Variants in LMF1 observed in about 807,000 individuals in gnomAD.
The protein encoded by LMF1 is transmembrane protein 112.
LMF1 carries 68 observed loss-of-function variants against 60.6 expected under a neutral mutation model. The ratio of observed to expected loss-of-function variants is 1.12; its 90% CI spans 0.92 to 1.37. The LOEUF (loss-of-function observed/expected upper bound fraction) is 1.37, where lower values mean the gene tolerates loss of function less well. Ranked by LOEUF, LMF1 falls within the 40% of genes most tolerant of loss-of-function variation. The pLI, the probability that LMF1 is intolerant of heterozygous loss-of-function variation, is 0.00. For missense variants in LMF1, 948 were observed against 767.2 expected, an observed-to-expected ratio of 1.24 and a Z score of -2.78; for synonymous variants, 418 against 324.7, an observed-to-expected ratio of 1.29 and a Z score of -3.09.
chr16:927,471 G>C (rs1160193977), intron 3 of LMF1, among the ~76,000 whole-genome samples: 1 of 152,272 alleles, frequency 6.6e-6, no homozygotes. Flanking sequence ...GAGAGGAGCT[G>C]GCTCGGCCTA....
At chr16:976,376 C>T (rs1159780051) in intron 1 of LMF1, 1 of 454,010 alleles carries the variant, frequency 2.2e-6, no homozygotes, top group African/African-American at 2.0e-5. Flanking sequence ...TCAGACAGCA[C>T]CCTCCTGTAC....
intron 6 of LMF1, among the ~76,000 whole-genome samples, chr16:875,384 C>T (rs893881948): frequency 2.3e-4 from 35 of 152,148 alleles, no homozygotes; most frequent in Admixed American, 2.1e-3. Context: ...ATCTAACCCC[C>T]TGGCCAGGTT....
chr16:971,142 C>T (rs2073044825), upstream of LMF1: 2 of 677,690 alleles, frequency 3.0e-6, no homozygotes, highest in Middle Eastern at 4.7e-4. Flanking sequence ...CCCCTCCAGC[C>T]GGCCCCGCCC....
chr16:941,399 T>C (rs970159029), intron 2 of LMF1, among the ~76,000 whole-genome samples: 2 of 152,126 alleles, frequency 1.3e-5, no homozygotes, highest in Admixed American at 6.5e-5. Flanking sequence ...TTTGTATTTT[T>C]AGTAAAGATG....
chr16:859,264 G>A (rs1235194288), intron 10 of LMF1, among the ~76,000 whole-genome samples: 3 of 121,628 alleles, frequency 2.5e-5, no homozygotes, highest in African/African-American at 1.3e-4. Context: ...GTCACGGGAC[G>A]GGTGTGAGTG....
intron 5 of LMF1, among the ~76,000 whole-genome samples, chr16:886,039 CAG>C (rs1324920719): frequency 6.6e-6 from 1 of 152,202 alleles, no homozygotes; most frequent in Non-Finnish European, 1.5e-5. Context: ...AAACCAGTAA[CAG>C]AAAGATATCT....
chr16:860,319 G>T (rs1471377890), intron 10 of LMF1, among the ~76,000 whole-genome samples: 1 of 151,374 alleles, frequency 6.6e-6, no homozygotes, highest in Non-Finnish European at 1.5e-5. Flanking sequence ...AGATCCCAAA[G>T]ATTTTCTTCT....
At chr16:868,594 C>T (rs903110969) in intron 10 of LMF1, among the ~76,000 whole-genome samples, 2 of 152,196 alleles carry the variant, frequency 1.3e-5, no homozygotes, top group Non-Finnish European at 2.9e-5. Context: ...CCCTGCCTGT[C>T]CTTCTTGCCT....
upstream of LMF1, among the ~76,000 whole-genome samples, chr16:972,257 T>C (rs1419614840): frequency 6.6e-6 from 1 of 152,282 alleles, no homozygotes; most frequent in African/African-American, 2.4e-5. Flanking sequence ...TTCTTTTCTA[T>C]GAAACCCCCC....
chr16:950,448 G>A (rs1387527841), intron 2 of LMF1, among the ~76,000 whole-genome samples: 1 of 128,058 alleles, frequency 7.8e-6, no homozygotes, highest in Non-Finnish European at 1.6e-5. Context: ...CAACGACAGA[G>A]TCAGCCAACG....
intron 10 of LMF1, among the ~76,000 whole-genome samples, chr16:861,642 C>T (rs1468318291): frequency 3.3e-5 from 5 of 152,128 alleles, no homozygotes; most frequent in Non-Finnish European, 7.4e-5. Flanking sequence ...AGGTGTGAGC[C>T]GCTGCGCCCG....
At chr16:883,167 A>G (rs57835154) in intron 5 of LMF1, among the ~76,000 whole-genome samples, 5,080 of 140,272 alleles carry the variant, frequency 0.036, 96 homozygotes, top group South Asian at 0.12. Context: ...AGAGCCCATC[A>G]CAGGACCAGG....
At chr16:880,634 C>A (rs1018328592) in intron 5 of LMF1, among the ~76,000 whole-genome samples, 2 of 152,252 alleles carry the variant, frequency 1.3e-5, no homozygotes, top group African/African-American at 2.4e-5. Context: ...TGTGCCACGG[C>A]ACTCAGCCTA....
chr16:931,983 T>C (rs943842646), intron 3 of LMF1, among the ~76,000 whole-genome samples: 33 of 152,334 alleles, frequency 2.2e-4, no homozygotes, highest in African/African-American at 7.5e-4. Context: ...CTGACTTCCC[T>C]GGGCTGGGAG....
At chr16:898,776 C>T (rs543685954) in intron 4 of LMF1, among the ~76,000 whole-genome samples, 12 of 152,350 alleles carry the variant, frequency 7.9e-5, no homozygotes, top group South Asian at 4.1e-4. Flanking sequence ...CCCTAGTCAC[C>T]ATACCATGTA....
At chr16:889,384 A>ACGGCCG (rs1333601213) in intron 5 of LMF1, among the ~76,000 whole-genome samples, 66 of 147,368 alleles carry the variant, frequency 4.5e-4, no homozygotes, top group African/African-American at 1.7e-3. Flanking sequence ...GAGGCTGCGG[A>ACGGCCG]TGGCCGTGGG....
intron 5 of LMF1, among the ~76,000 whole-genome samples, chr16:883,051 C>T (rs1183495389): frequency 6.9e-6 from 1 of 144,778 alleles, no homozygotes; most frequent in Admixed American, 6.9e-5. Context: ...ATCGCAGGAC[C>T]AGGAGAAAGA....
chr16:913,855 G>A (rs1015824826), intron 3 of LMF1, among the ~76,000 whole-genome samples: 9 of 152,234 alleles, frequency 5.9e-5, no homozygotes, highest in Non-Finnish European at 1.3e-4. Flanking sequence ...GGGGCAGCCC[G>A]AGGCACATGG....
intron 3 of LMF1, chr16:920,952 G>A (rs2071415385): frequency 6.6e-6 from 1 of 152,232 alleles, no homozygotes; most frequent in South Asian, 2.1e-4. Context: ...TTCTCCCCGG[G>A]GAGCTTCAGT....
Sources: allele counts gnomAD v4.1 joint callset (sites outside exome capture counted in the v4.1 genomes callset), GRCh38; gene constraint gnomAD v4.1.1; transcripts MANE v1.5; gene names NCBI Gene and HGNC (gene_info 2026-07-23, HGNC 2026-07-21).